C1orf159: variants seen among roughly 807,000 people sequenced by gnomAD.
The protein encoded by C1orf159 is chromosome 1 open reading frame 159.
Under a neutral mutation model 25.6 loss-of-function variants are expected in C1orf159, and 19 were observed. That is an observed-to-expected ratio of 0.74 (90% CI 0.52 to 1.09). C1orf159 has a LOEUF of 1.09. C1orf159 is among the 50% of genes least tolerant of loss of function. The pLI is 0.00. For synonymous variants in C1orf159, 139 were observed against 124.7 expected, an observed-to-expected ratio of 1.12 and a Z score of -0.77; for missense variants, 274 against 290.6, an observed-to-expected ratio of 0.94 and a Z score of 0.42.
At chr1:1,109,070 C>T (rs1163346151) in intron 1 of C1orf159, among the ~76,000 whole-genome samples, 2 of 150,090 alleles carry the variant, frequency 1.3e-5, no homozygotes, top group Middle Eastern at 3.4e-3. Context: ...GTCTCGGCAC[C>T]GTTCACCACA....
chr1:1,090,913 C>T (rs1645920111), intron 3 of C1orf159: 1 of 1,550,296 alleles, frequency 6.5e-7, no homozygotes, highest in Non-Finnish European at 8.7e-7. Context: ...CACAGGCAGA[C>T]TGGACAGGCC....
At chr1:1,105,643 A>G (rs1646160594) in intron 1 of C1orf159, among the ~76,000 whole-genome samples, 1 of 152,232 alleles carries the variant, frequency 6.6e-6, no homozygotes, top group African/African-American at 2.4e-5. Context: ...GCACTTTGGG[A>G]GGCCGAGGTG....
intron 1 of C1orf159, among the ~76,000 whole-genome samples, chr1:1,094,410 T>A (rs1645982376): frequency 6.6e-6 from 1 of 150,482 alleles, no homozygotes; most frequent in Non-Finnish European, 1.5e-5. Flanking sequence ...TGTCTTATCA[T>A]CTTTTTTTTT....
chr1:1,090,278 G>C, intron 4 of C1orf159, 75 bp downstream of exon 4: 1 of 1,421,708 alleles, frequency 7.0e-7, no homozygotes, highest in Non-Finnish European at 9.7e-7. Context: ...TTGTCACCGA[G>C]GGGAGGGCCC....
chr1:1,114,831 G>A (rs970059090), intron 1 of C1orf159, among the ~76,000 whole-genome samples: 3 of 151,512 alleles, frequency 2.0e-5, no homozygotes, highest in African/African-American at 7.3e-5. Context: ...ACAGGAAGAC[G>A]CCTAAGAACG....
In C1orf159 at chr1:1,082,613, TG is replaced by T. The variant is rs562375201; in HGVS notation, c.*279del. ...GGCGCTGGGGCCTCACCGTGTTTCCTGGGGGGGCCCGGACCCCCCAAGGCCT... is the reference window on the plus strand; with the variant it reads ...GGCGCTGGGGCCTCACCGTGTTTCCTGGGGGGCCCGGACCCCCCAAGGCCT... On this transcript the variant is annotated 3_prime_UTR_variant, in exon 10 of 10. Transcript: ENST00000421241. The T allele has an allele frequency of 1.5e-5, 7 of 472,282 alleles. No homozygotes were observed. Among genetic ancestry groups the T allele is most frequent in the East Asian group, 8.2e-5 (2 of 24,278 alleles). 29.3% of individuals were successfully genotyped at this position (472,282 alleles called of 1,614,324 possible). A position where few individuals can be genotyped will look rare whatever the true frequency, so the allele number is the denominator to read the frequency against.
intron 1 of C1orf159, among the ~76,000 whole-genome samples, chr1:1,105,389 T>A (rs1646156324): frequency 6.6e-6 from 1 of 151,796 alleles, no homozygotes; most frequent in Non-Finnish European, 1.5e-5. Context: ...ATGCCTGTGA[T>A]CCCAGCTACT....
chr1:1,091,645 G>C (rs1175474467), intron 2 of C1orf159, 80 bp from the exon 3 acceptor site: 2 of 987,390 alleles, frequency 2.0e-6, no homozygotes, highest in Non-Finnish European at 3.0e-6. Context: ...TGAAAGTGGG[G>C]TCAAGAGATG....
At chr1:1,100,592 C>T (rs373607144) in intron 1 of C1orf159, among the ~76,000 whole-genome samples, 20 of 152,266 alleles carry the variant, frequency 1.3e-4, no homozygotes, top group African/African-American at 4.3e-4. Context: ...ATGACACTAT[C>T]GTTGGATTTC....
intron 1 of C1orf159, chr1:1,092,590 A>G (rs1645957226): frequency 6.5e-6 from 1 of 153,162 alleles, no homozygotes; most frequent in African/African-American, 2.4e-5. Flanking sequence ...AGGCCCAGCC[A>G]GGCCTGTGGG....
intron 9 of C1orf159, chr1:1,083,984 G>A (rs747620747): frequency 6.2e-7 from 1 of 1,604,676 alleles, no homozygotes; most frequent in East Asian, 2.2e-5. Flanking sequence ...GCCTGGCGGA[G>A]GCCGGCTGCG....
chr1:1,085,200 G>A, intron 7 of C1orf159: 2 of 375,106 alleles, frequency 5.3e-6, no homozygotes, highest in Non-Finnish European at 1.1e-5. Flanking sequence ...GCTGCCCAGA[G>A]ACCTGGGAGG....
Position 1,089,589 on chromosome 1 carries a change from A to G in C1orf159, c.148+764T>C, listed in dbSNP as rs1645893160. Among the ~76,000 whole-genome samples, 1 of 151,946 alleles carries G rather than the reference A, an allele frequency of 6.6e-6. No homozygotes were observed. Among genetic ancestry groups the G allele is most frequent in the Non-Finnish European group, 1.5e-5 (1 of 67,954 alleles). On this transcript the variant is annotated intron_variant, in intron 4 of 9. Coordinates refer to ENST00000421241, the MANE Select transcript of C1orf159 (RefSeq NM_017891.5). This position sits in a 1 kb window ranked among gnomAD's most constrained non-coding sequence, Gnocchi z 7.5. ...ACTGGCTGCCACAGCCGCCGTCTTG[A>G]CCACGCCCTCCTCACGAGGCCCCTG...
intron 1 of C1orf159, among the ~76,000 whole-genome samples, chr1:1,095,920 CTA>C (rs1457681449): frequency 6.6e-6 from 1 of 152,118 alleles, no homozygotes; most frequent in Non-Finnish European, 1.5e-5. Flanking sequence ...TTTTCTGCAT[CTA>C]TTTCAGTGAT....
At chr1:1,096,656 G>A (rs1447197659) in intron 1 of C1orf159, among the ~76,000 whole-genome samples, 1 of 152,208 alleles carries the variant, frequency 6.6e-6, no homozygotes, top group Non-Finnish European at 1.5e-5. Flanking sequence ...CTTTTGACAA[G>A]TTATATTCTT....
intron 1 of C1orf159, among the ~76,000 whole-genome samples, chr1:1,107,789 T>A (rs1646194906): frequency 6.6e-6 from 1 of 152,170 alleles, no homozygotes; most frequent in South Asian, 2.1e-4. Context: ...CTCTTTGCAA[T>A]AAATCTTGCT....
At chr1:1,095,649 C>T (rs940633440) in intron 1 of C1orf159, among the ~76,000 whole-genome samples, 3 of 152,182 alleles carry the variant, frequency 2.0e-5, no homozygotes, top group Non-Finnish European at 4.4e-5. Flanking sequence ...ATCCTTGTGA[C>T]TTCAATTTGC....
At chr1:1,113,778 C>T (rs1033542656) in intron 1 of C1orf159, among the ~76,000 whole-genome samples, 2 of 152,200 alleles carry the variant, frequency 1.3e-5, no homozygotes, top group Non-Finnish European at 2.9e-5. Flanking sequence ...GGGTCTTCCA[C>T]GCTGGAGGCT....
At position 1,087,001 on chromosome 1, in the gene C1orf159, C is replaced by T; in HGVS notation, c.310+138G>A. 1 of 837,218 alleles carries T rather than the reference C, an allele frequency of 1.2e-6. No homozygotes were observed. The highest frequency in any genetic ancestry group is 1.9e-6 in the Non-Finnish European group (1 of 533,980). 51.9% of individuals were successfully genotyped at this position (837,218 alleles called of 1,614,324 possible). A position where few individuals can be genotyped will look rare whatever the true frequency, so the allele number is the denominator to read the frequency against. ...ACCAGCTGACCCCAAGCTGCAGGGG[C>T]TGCCACGCTCCCCTCTGGCTGTTTT... is the stretch of plus-strand genomic sequence containing the variant. On this transcript the variant is annotated intron_variant, in intron 6 of 9. Transcript: ENST00000421241. The surrounding 1 kb of genome is among the most constrained non-coding windows in gnomAD (Gnocchi z 8.3).
Sources: gnomAD v4.1 joint callset for allele counts (sites outside exome capture counted in the v4.1 genomes callset) on GRCh38, gnomAD v4.1.1 for gene constraint, Gnocchi (gnomAD v3.1) non-coding constraint, MANE v1.5 for transcripts, NCBI Gene and HGNC (gene_info 2026-07-23, HGNC 2026-07-21) for gene names.